Variants in MNAT1 observed in about 807,000 individuals in gnomAD.
MNAT1 encodes the protein MNAT1 component of CDK activating kinase, also known as CDK-activating kinase assembly factor MAT1.
A neutral mutation model predicts 42.0 loss-of-function variants in MNAT1; 43 were observed. The observed-to-expected ratio is 1.02, with a 90% CI of 0.80 to 1.32. The LOEUF is 1.32. MNAT1 is among the 40% of genes most tolerant of loss of function. MNAT1 has a pLI of 0.00. For missense variants in MNAT1, 306 were observed against 350.4 expected, an observed-to-expected ratio of 0.87 and a Z score of 1.01; for synonymous variants, 118 against 120.0, an observed-to-expected ratio of 0.98 and a Z score of 0.11.
intron 7 of MNAT1, among the ~76,000 whole-genome samples, chr14:60,906,197 A>T (rs921804507): frequency 6.6e-6 from 1 of 152,166 alleles, no homozygotes; most frequent in African/African-American, 2.4e-5. Context: ...AGGAGTAAAT[A>T]TAGGGAATGG....
intron 1 of MNAT1, among the ~76,000 whole-genome samples, chr14:60,775,056 G>T (rs2031199198): frequency 6.6e-6 from 1 of 152,086 alleles, no homozygotes; most frequent in East Asian, 1.9e-4. Flanking sequence ...CATTTGTAGG[G>T]GGAGAAGAAT....
intron 1 of MNAT1, among the ~76,000 whole-genome samples, chr14:60,760,503 A>C (rs185195759): frequency 6.6e-6 from 1 of 152,334 alleles, no homozygotes; most frequent in African/African-American, 2.4e-5. Flanking sequence ...CAAGTCTCCA[A>C]TATGATTGTA....
intron 1 of MNAT1, among the ~76,000 whole-genome samples, chr14:60,771,143 A>T (rs2031037602): frequency 6.6e-6 from 1 of 152,126 alleles, no homozygotes; most frequent in South Asian, 2.1e-4. Flanking sequence ...GAGGTTGTAC[A>T]GTTTACACTC....
Position 60,963,240 on chromosome 14 carries a change from A to C in MNAT1, c.810-4989A>C, listed in dbSNP as rs1416624942. Among the ~76,000 whole-genome samples, 3 of 152,248 alleles carry C rather than the reference A, an allele frequency of 2.0e-5. No individual in the cohort carries two copies. The East Asian group carries it at 5.8e-4, about 29-fold the overall frequency. ...CGTGATCTGCCCACCTCGCCCTCCCAAAGTGCTGGGATTACAGGCATGAGC... is the reference window on the plus strand; with the variant it reads ...CGTGATCTGCCCACCTCGCCCTCCCCAAGTGCTGGGATTACAGGCATGAGC... On this transcript the variant is annotated intron_variant, in intron 7 of 7. Coordinates refer to ENST00000261245, the MANE Select transcript of MNAT1 (RefSeq NM_002431.4).
At chr14:60,742,313 C>A (rs548735056) in intron 1 of MNAT1, among the ~76,000 whole-genome samples, 42 of 152,198 alleles carry the variant, frequency 2.8e-4, no homozygotes, top group African/African-American at 9.9e-4. Flanking sequence ...GTCTCAAACT[C>A]CTGGCCTCAA....
At chr14:60,875,934 G>T (rs1285652273) in intron 6 of MNAT1, among the ~76,000 whole-genome samples, 1 of 152,004 alleles carries the variant, frequency 6.6e-6, no homozygotes, top group Admixed American at 6.6e-5. Context: ...CACACGGAGT[G>T]TTGGTGAGAC....
At chr14:60,916,322 A>G (rs2035511953) in intron 7 of MNAT1, among the ~76,000 whole-genome samples, 1 of 152,236 alleles carries the variant, frequency 6.6e-6, no homozygotes, top group Non-Finnish European at 1.5e-5. Flanking sequence ...TTAAAAATAG[A>G]ATAAAATAAA....
At chr14:60,791,807 G>A (rs1338634601) in intron 1 of MNAT1, among the ~76,000 whole-genome samples, 2 of 152,230 alleles carry the variant, frequency 1.3e-5, no homozygotes, top group South Asian at 2.1e-4. Flanking sequence ...TTAAGAAAAT[G>A]TGAAACCTTT....
chr14:60,846,420 T>C (rs901943376), intron 6 of MNAT1, among the ~76,000 whole-genome samples: 5 of 152,148 alleles, frequency 3.3e-5, no homozygotes, highest in Non-Finnish European at 5.9e-5. Flanking sequence ...TCCATTTCAT[T>C]GATCTCCATT....
chr14:60,955,504 A>C (rs2036471844), intron 7 of MNAT1, among the ~76,000 whole-genome samples: 1 of 152,146 alleles, frequency 6.6e-6, no homozygotes, highest in African/African-American at 2.4e-5. Context: ...TCTACTAAAA[A>C]TACAAAAATC....
chr14:60,790,105 A>G (rs1351227412), intron 1 of MNAT1, among the ~76,000 whole-genome samples: 2 of 152,080 alleles, frequency 1.3e-5, no homozygotes, highest in Admixed American at 1.3e-4. Flanking sequence ...GTGTAATAGG[A>G]ATTTAGGAGA....
chr14:60,880,406 G>C (rs2034525362), intron 7 of MNAT1, among the ~76,000 whole-genome samples: 1 of 152,110 alleles, frequency 6.6e-6, no homozygotes, highest in Non-Finnish European at 1.5e-5. Flanking sequence ...GGAGCAAGTG[G>C]GTATTTGTAT....
intron 6 of MNAT1, among the ~76,000 whole-genome samples, chr14:60,832,325 T>C (rs962849771): frequency 6.6e-6 from 1 of 152,230 alleles, no homozygotes; most frequent in Non-Finnish European, 1.5e-5. Flanking sequence ...TACGTTTAAG[T>C]CTTTAATCCT....
At chr14:60,866,616 G>C (rs1036095720) in intron 6 of MNAT1, among the ~76,000 whole-genome samples, 3 of 152,012 alleles carry the variant, frequency 2.0e-5, no homozygotes, top group African/African-American at 7.2e-5. Context: ...CTGTAGTTTT[G>C]AGACTCATGC....
At chr14:60,796,758 C>A (rs1594760090) in intron 2 of MNAT1, among the ~76,000 whole-genome samples, 1 of 151,818 alleles carries the variant, frequency 6.6e-6, no homozygotes, top group Middle Eastern at 3.4e-3. Context: ...AGCAAAAAGA[C>A]AAAAAAACAA....
At chr14:60,811,494 G>C (rs547087945) in intron 4 of MNAT1, among the ~76,000 whole-genome samples, 1 of 151,790 alleles carries the variant, frequency 6.6e-6, no homozygotes, top group Non-Finnish European at 1.5e-5. Flanking sequence ...AGTAGAGACA[G>C]GGTTTCACCA....
chr14:60,765,871 CA>C (rs995508397), intron 1 of MNAT1, among the ~76,000 whole-genome samples: 77 of 152,202 alleles, frequency 5.1e-4, no homozygotes, highest in African/African-American at 1.7e-3. Context: ...GTAGAATCCT[CA>C]AAATCTGCCT....
chr14:60,792,141 AT>A (rs996586914), intron 1 of MNAT1, among the ~76,000 whole-genome samples: 3 of 151,996 alleles, frequency 2.0e-5, no homozygotes, highest in Admixed American at 6.6e-5. Flanking sequence ...ACCAGGTGTT[AT>A]TTTTTTCATG....
At chr14:60,829,587 G>A (rs2033158468) in intron 6 of MNAT1, among the ~76,000 whole-genome samples, 1 of 152,252 alleles carries the variant, frequency 6.6e-6, no homozygotes, top group African/African-American at 2.4e-5. Flanking sequence ...CTCATGATCT[G>A]TCTAGACATG....
Sources: gnomAD v4.1 joint callset for allele counts (sites outside exome capture counted in the v4.1 genomes callset) on GRCh38, gnomAD v4.1.1 for gene constraint, MANE v1.5 for transcripts, NCBI Gene and HGNC (gene_info 2026-07-23, HGNC 2026-07-21) for gene names.